The following IDH3A variants were observed in gnomAD, a reference collection of about 807,000 sequenced individuals.
The protein encoded by IDH3A is isocitrate dehydrogenase (NAD(+)) 3 catalytic subunit alpha.
In IDH3A, 23 loss-of-function variants were observed where a neutral mutation model predicts 43.3. The ratio of observed to expected loss-of-function variants is 0.53; its 90% confidence interval spans 0.38 to 0.75. IDH3A has a LOEUF of 0.75. Among genes scored for constraint, IDH3A ranks in the 30% least tolerant of loss-of-function variants. The probability of loss-of-function intolerance (pLI) is 0.00; values close to 1 mark genes in which losing one functional copy is unlikely to be tolerated. For missense variants in IDH3A, 329 were observed against 474.4 expected (o/e 0.69, Z 2.85); for synonymous variants, 154 against 163.5 (o/e 0.94, Z 0.44).
chr15:78,157,310 A>G (rs2074630900), intron 2 of IDH3A: 1 of 699,408 alleles, frequency 1.4e-6, no homozygotes, highest in South Asian at 2.7e-5. Flanking sequence ...TGTAAAGAGT[A>G]TCATTTGGTT....
intron 1 of IDH3A, chr15:78,154,532 G>A (rs1353724530): frequency 6.6e-6 from 1 of 152,214 alleles, no homozygotes; most frequent in Non-Finnish European, 1.5e-5. Context: ...GTGACCTTAG[G>A]CAAATGCTTT....
At chr15:78,155,131 C>T in intron 1 of IDH3A, 82 bp from the exon 2 acceptor site, 1 of 933,792 alleles carries the variant, frequency 1.1e-6, no homozygotes, top group Non-Finnish European at 1.7e-6. Context: ...GCAGCATTAC[C>T]ATCCATCAGG....
chr15:78,163,711 T>C lies in IDH3A; in HGVS notation c.715-5T>C, dbSNP rs768949289. ...TTACTAAATGCACAAATGTATTCCT[T>C]GTAGATGGTACAAGATCCTTCCCAA... On this transcript the variant is annotated splice_polypyrimidine_tract_variant and splice_region_variant and intron_variant, in intron 7 of 10. Transcript: ENST00000299518. 8 of 1,611,358 alleles carry C rather than the reference T, an allele frequency of 5.0e-6. No homozygotes were observed. The highest frequency in any genetic ancestry group is 6.8e-6 in the Non-Finnish European group (8 of 1,177,644).
intron 3 of IDH3A, among the ~76,000 whole-genome samples, chr15:78,158,741 G>A (rs533939029): frequency 2.7e-5 from 4 of 148,830 alleles, no homozygotes; most frequent in East Asian, 4.0e-4. Flanking sequence ...CCTCTGCACC[G>A]GGCCTGGCCT....
chr15:78,157,294 G>A (rs528752717), intron 2 of IDH3A: 8 of 757,340 alleles, frequency 1.1e-5, no homozygotes, highest in East Asian at 4.1e-5. Flanking sequence ...ATTTATTTTC[G>A]TTTTATGTAA....
In IDH3A at chr15:78,169,623, T is replaced by G. The variant is rs2074793720; in HGVS notation, c.*618T>G. 1.3e-5 allele frequency: 2 copies of G among 152,226 alleles called. No homozygotes were observed. Among genetic ancestry groups the G allele is most frequent in the Non-Finnish European group, 2.9e-5 (2 of 68,034 alleles). The allele number at this position is 152,226 out of a possible 1,614,324, so 9.4% of individuals were successfully genotyped here. A position where few individuals can be genotyped will look rare whatever the true frequency, so the allele number is the denominator to read the frequency against. On this transcript the variant is annotated 3_prime_UTR_variant, in exon 11 of 11. Coordinates refer to ENST00000299518, the MANE Select transcript of IDH3A (RefSeq NM_005530.3). Reference sequence around the variant, plus strand: ...GATCCAAGAAATATATAATGAGAGATATAATTTTTGTTAATAAGACAAAGG... The same window carrying G: ...GATCCAAGAAATATATAATGAGAGAGATAATTTTTGTTAATAAGACAAAGG...
rs756350872 is a variant in IDH3A at position 78,160,246 on chromosome 15, G to A, written c.289+40G>A. On this transcript the variant is annotated intron_variant, in intron 4 of 10. Transcript: ENST00000299518. ...GAGACGGGGGTTTTTACAGATTTCC[G>A]CTACAGGGGTTACTTAGTTTTGAAA... is the stretch of plus-strand genomic sequence containing the variant. 16 of 1,183,102 alleles carry A rather than the reference G, an allele frequency of 1.4e-5. 1 individual carries two copies. The South Asian group carries it at 1.5e-4, about 11-fold the overall frequency. 73.3% of individuals were successfully genotyped at this position (1,183,102 alleles called of 1,614,324 possible). A position where few individuals can be genotyped will look rare whatever the true frequency, so the allele number is the denominator to read the frequency against.
Position 78,163,612 on chromosome 15 carries a change from A to G in IDH3A, c.714+3A>G, listed in dbSNP as rs1377518100. The G allele has an allele frequency of 6.3e-7, 1 of 1,588,336 alleles. No homozygotes were observed. ...ACCTTGATACAGTATGTTTGAATGTAAGTATATATTCACACTTACCTGCTA... is the reference window on the plus strand; with the variant it reads ...ACCTTGATACAGTATGTTTGAATGTGAGTATATATTCACACTTACCTGCTA... On this transcript the variant is annotated splice_donor_region_variant and intron_variant, in intron 7 of 10. Transcript: ENST00000299518.
At chr15:78,153,176 A>G (rs140494600) in intron 1 of IDH3A, among the ~76,000 whole-genome samples, 2 of 152,234 alleles carry the variant, frequency 1.3e-5, no homozygotes, top group East Asian at 3.9e-4. Flanking sequence ...AGCTCACAGA[A>G]GCCTCAAGCT....
intron 2 of IDH3A, chr15:78,156,830 T>G: frequency 1.7e-6 from 2 of 1,169,534 alleles, no homozygotes; most frequent in Non-Finnish European, 2.3e-6. Flanking sequence ...TGTTACATTA[T>G]AAAAACAATA....
At chr15:78,159,860 T>C in intron 3 of IDH3A, 1 of 421,914 alleles carries the variant, frequency 2.4e-6, no homozygotes, top group Non-Finnish European at 4.4e-6. Context: ...CTGGGTGTGG[T>C]GGTGGGCGCC....
At chr15:78,158,613 A>G (rs1355070341) in intron 3 of IDH3A, among the ~76,000 whole-genome samples, 2 of 148,912 alleles carry the variant, frequency 1.3e-5, no homozygotes, top group African/African-American at 2.5e-5. Context: ...AGTAGCTGGG[A>G]TTACAGGCAC....
In IDH3A at chr15:78,152,746, T is replaced by C. The variant is rs564849229; in HGVS notation, c.28-2467T>C. Among the ~76,000 whole-genome samples the C allele has an allele frequency of 2.2e-4, 33 of 152,254 alleles. No individual in the cohort carries two copies. The South Asian group carries it at 6.2e-3, about 29-fold the overall frequency. On this transcript the variant is annotated intron_variant, in intron 1 of 10. Transcript: ENST00000299518. ...TTATTTTACTTAAAGTTCTGGGTCA[T>C]TGTGATGACTTAGGTGCAGTACTGC...
In IDH3A at chr15:78,170,271, C is replaced by T. The variant is rs1317065550; in HGVS notation, c.*1266C>T. 1 of 152,104 alleles carries T rather than the reference C, an allele frequency of 6.6e-6. No homozygotes were observed. Among genetic ancestry groups the T allele is most frequent in the Non-Finnish European group, 1.5e-5 (1 of 68,020 alleles). 9.4% of individuals were successfully genotyped at this position (152,104 alleles called of 1,614,324 possible). On this transcript the variant is annotated 3_prime_UTR_variant, in exon 11 of 11. Transcript: ENST00000299518. ...TTCATGAACAGTTACCCTCTGTCCC[C>T]ACAACCAAAGACAACTCATGGCCTC...
In IDH3A at chr15:78,171,497, A is replaced by T. The variant is rs372529648; in HGVS notation, c.*2492A>T. ...TCAATGATACCTTTGTACTTCTCCA[A>T]AACTGTGAGCCGTTTCAGTTTCATC... On this transcript the variant is annotated 3_prime_UTR_variant, in exon 11 of 11. Transcript: ENST00000299518. 3.7e-6 allele frequency: 6 copies of T among 1,614,204 alleles called. No homozygotes were observed. Among genetic ancestry groups the T allele is most frequent in the Non-Finnish European group, 5.1e-6 (6 of 1,180,012 alleles).
intron 3 of IDH3A, among the ~76,000 whole-genome samples, chr15:78,158,456 T>TATATATATATATAC (rs2074646287): frequency 1.4e-5 from 1 of 71,052 alleles, no homozygotes; most frequent in African/African-American, 4.7e-5. Flanking sequence ...TACATATATA[T>TATATATATATATAC]ATATATATTT....
chr15:78,159,963 C>G lies in IDH3A; in HGVS notation c.175-129C>G. ...TGAGCCAAGATTGTGCCGCTGCACTCTAGCCTAGGCGACAGAGCGGGACTC... is the reference window on the plus strand; with the variant it reads ...TGAGCCAAGATTGTGCCGCTGCACTGTAGCCTAGGCGACAGAGCGGGACTC... On this transcript the variant is annotated intron_variant, in intron 3 of 10. Coordinates refer to ENST00000299518, the MANE Select transcript of IDH3A (RefSeq NM_005530.3). The G allele has an allele frequency of 4.7e-6, 3 of 638,468 alleles. No individual in the cohort carries two copies. In the South Asian group the frequency reaches 5.4e-5, roughly 11 times the overall value. 39.6% of individuals were successfully genotyped at this position (638,468 alleles called of 1,614,324 possible). A position where few individuals can be genotyped will look rare whatever the true frequency, so the allele number is the denominator to read the frequency against.
rs2074689533 is a variant in IDH3A, at chr15:78,162,318, CG to C, written c.564del (p.Asn189ThrfsTer49). 1 of 1,614,072 alleles carries C rather than the reference CG, an allele frequency of 6.2e-7. No homozygotes were observed. On this transcript the variant is annotated frameshift_variant, in exon 6 of 11. Transcript: ENST00000299518. LOFTEE classifies it high-confidence loss of function. ...TGCTGAGTTTGCCTTTGAGTATGCC[CG>C]GAACAACCACCGGAGCAACGTCACG... ...RIAEFAFEYA[R>X]NNHRSNVTAV...
intron 1 of IDH3A, chr15:78,151,438 T>C (rs942560074): frequency 2.6e-5 from 4 of 151,986 alleles, no homozygotes; most frequent in Admixed American, 6.6e-5. Flanking sequence ...TTGCTGGGCG[T>C]GGTGGCGCAC....
Sources: gnomAD v4.1 joint callset for allele counts (sites outside exome capture counted in the v4.1 genomes callset) on GRCh38, gnomAD v4.1.1 for gene constraint, MANE v1.5 for transcripts, NCBI Gene and HGNC (gene_info 2026-07-23, HGNC 2026-07-21) for gene names.